Variants in WDR46 observed in about 807,000 individuals in gnomAD.
The protein encoded by WDR46 is WD repeat domain 46, also known as WD repeat-containing protein 46.
WDR46 carries 58 observed loss-of-function variants against 74.7 expected under a neutral mutation model. That is an observed-to-expected ratio of 0.78 (90% CI 0.63 to 0.97). The LOEUF is 0.97. WDR46 is among the 50% of genes least tolerant of loss of function. The probability of loss-of-function intolerance (pLI) is 0.00; values close to 1 mark genes in which losing one functional copy is unlikely to be tolerated. For missense variants in WDR46, 702 were observed against 790.1 expected, an observed-to-expected ratio of 0.89 and a Z score of 1.34; for synonymous variants, 278 against 297.3, an observed-to-expected ratio of 0.93 and a Z score of 0.67.
intron 9 of WDR46, 91 bp downstream of exon 9, chr6:33,286,989 AAAAAGGGAAAT>A: frequency 6.3e-7 from 1 of 1,585,440 alleles, no homozygotes. Flanking sequence ...AGAGATAACA[AAAAAGGGAAAT>A]AAAAGGGTAA....
chr6:33,286,828 C>T lies in WDR46; in HGVS notation c.1082G>A (p.Gly361Glu). 1 of 1,614,128 alleles carries T rather than the reference C, an allele frequency of 6.2e-7. No individual in the cohort carries two copies. The highest frequency in any genetic ancestry group is 2.2e-5 in the East Asian group (1 of 44,876). The stretch of plus-strand genomic sequence containing the variant: ...AGAATCTACTGCCACAGCCCGGACC[C>T]CACCACGATGACAGAGAATCTTTGC... ...PLAKILCHRGGVRAVAVDSTG... is the reference protein window; with the variant it reads ...PLAKILCHRGEVRAVAVDSTG... The change falls in exon 10 of 15, where the codon GGG (glycine) becomes GAG (glutamate). Residue 361 changes from glycine (G) to glutamate (E), a missense_variant. By Grantham distance (98) the Gly-to-Glu change is moderately conservative. Transcript: ENST00000374617.
chr6:33,279,199 C>T lies in WDR46; in HGVS notation c.*77G>A. ...GGAAGGGGCCACACTGCCCCCACCTCCTTGTTCCAGGGAACACTCATTTCC... is the reference window on the plus strand; with the variant it reads ...GGAAGGGGCCACACTGCCCCCACCTTCTTGTTCCAGGGAACACTCATTTCC... On this transcript the variant is annotated 3_prime_UTR_variant, in exon 15 of 15. Coordinates refer to ENST00000374617, the MANE Select transcript of WDR46 (RefSeq NM_005452.6). The T allele has an allele frequency of 6.3e-7, 1 of 1,586,066 alleles. No homozygotes were observed. Among genetic ancestry groups the T allele is most frequent in the East Asian group, 2.2e-5 (1 of 44,500 alleles).
In WDR46 at chr6:33,279,296, G is replaced by A; in HGVS notation, c.1813C>T (p.Leu605=). ...AKPTGARPSA[L]DRFVR The stretch of plus-strand genomic sequence containing the variant: ...CTGGCTCAGCGCACAAATCTGTCCA[G>A]GGCAGATGGCCGGGCCCCCGTGGGC... Residue 605 remains leucine (L), a synonymous_variant, in exon 15 of 15, where the codon CTG becomes TTG. Coordinates refer to ENST00000374617, the MANE Select transcript of WDR46 (RefSeq NM_005452.6). 1.2e-6 allele frequency: 2 copies of A among 1,614,236 alleles called. No homozygotes were observed. Among genetic ancestry groups the A allele is most frequent in the Non-Finnish European group, 1.7e-6 (2 of 1,180,050 alleles).
chr6:33,286,560 C>T (rs1766654487), intron 10 of WDR46, among the ~76,000 whole-genome samples: 1 of 152,170 alleles, frequency 6.6e-6, no homozygotes. Context: ...TGACTCTTTA[C>T]AGAAAAAGTT....
In WDR46 at chr6:33,280,708, C is replaced by A; in HGVS notation, c.1395G>T (p.Gly465=). ...GCATGCTGGTGATGCCCCCAGTGTG[C>A]CCCACCCCCAGCACATCTTCAAAGG... The part of the protein sequence containing the change: ...FCPFEDVLGV[G]HTGGITSMLV... The change falls in exon 11 of 15, where the codon GGG becomes GGT. Residue 465 remains glycine (G), a synonymous_variant. Coordinates refer to ENST00000374617, the MANE Select transcript of WDR46 (RefSeq NM_005452.6). The A allele has an allele frequency of 1.3e-6, 2 of 1,591,244 alleles. No individual in the cohort carries two copies. Among genetic ancestry groups the A allele is most frequent in the South Asian group, 1.1e-5 (1 of 87,770 alleles).
Position 33,279,800 on chromosome 6 carries a change from G to C in WDR46, c.1584C>G (p.Ser528=). The change falls in exon 13 of 15, where the codon TCC becomes TCG. Residue 528 remains serine, a synonymous_variant. Coordinates refer to ENST00000374617, the MANE Select transcript of WDR46 (RefSeq NM_005452.6). ...PRALAEVDVI[S]LEQGKKEQIE... is the part of the protein sequence containing the mutation. The stretch of plus-strand genomic sequence containing the variant: ...TCTGCTCCTTCTTTCCCTGCTCCAG[G>C]GAGATGACATCCACCTCGGCCAGGG... 6.2e-7 allele frequency: 1 copy of C among 1,614,102 alleles called. No individual in the cohort carries two copies. The highest frequency in any genetic ancestry group is 8.5e-7 in the Non-Finnish European group (1 of 1,180,000).
chr6:33,287,925 AAC>A (rs774048086), intron 6 of WDR46, 38 bp downstream of exon 6: 1 of 1,610,772 alleles, frequency 6.2e-7, no homozygotes, highest in East Asian at 2.2e-5. Context: ...TGGTTAAGGA[AAC>A]ACATCTTAGT....
At chr6:33,286,667 A>G in intron 10 of WDR46, 128 bp downstream of exon 10, 2 of 852,426 alleles carry the variant, frequency 2.3e-6, no homozygotes, top group Admixed American at 4.7e-5. Context: ...TGCAAGGCCC[A>G]TCCGTGGTAA....
chr6:33,281,809 C>T (rs1448582931), intron 10 of WDR46, among the ~76,000 whole-genome samples: 2 of 151,606 alleles, frequency 1.3e-5, no homozygotes, highest in Non-Finnish European at 2.9e-5. Context: ...TCATGTACTG[C>T]ATAAGTTGTT....
At position 33,280,474 on chromosome 6, in the gene WDR46, C is replaced by T. The variant is rs183527731; in HGVS notation, c.1478G>A (p.Ser493Asn). Residue 493 changes from serine to asparagine, a missense_variant, in exon 12 of 15, where the codon AGC (serine) becomes AAC (asparagine). Physicochemically the swap from Ser to Asn is conservative, Grantham distance 46. Transcript: ENST00000374617. ...FDGLESNPYR[S>N]RKQRQEWEVK... ...CTCCCACTCCTGGCGCTGCTTCCGGCTTCTGTATGGATTACTCTCCAGGCC... is the reference window on the plus strand; with the variant it reads ...CTCCCACTCCTGGCGCTGCTTCCGGTTTCTGTATGGATTACTCTCCAGGCC... 6 of 1,599,192 alleles carry T rather than the reference C, an allele frequency of 3.8e-6. No homozygotes were observed. Among genetic ancestry groups the T allele is most frequent in the East Asian group, 2.2e-5 (1 of 44,520 alleles).
At position 33,289,236 on chromosome 6, in the gene WDR46, A is replaced by T; in HGVS notation, c.-66T>A. ...CAGCTGCCACACAGTCGGCTTGAAA[A>T]CTCCCGGAAGCCCTCTGTCCTTCAT... On this transcript the variant is annotated 5_prime_UTR_variant, in exon 1 of 15. Transcript: ENST00000374617. 6.4e-7 allele frequency: 1 copy of T among 1,555,704 alleles called. No homozygotes were observed. Among genetic ancestry groups the T allele is most frequent in the Non-Finnish European group, 8.7e-7 (1 of 1,152,618 alleles).
rs761958035 is a variant in WDR46 at position 33,288,439 on chromosome 6, C to T, written c.392G>A (p.Arg131Gln). 14 of 1,614,026 alleles carry T rather than the reference C, an allele frequency of 8.7e-6. No individual in the cohort carries two copies. The Admixed American group carries it at 1.2e-4, about 13-fold the overall frequency. Reference sequence around the variant, plus strand: ...TTCCTCAGCTTCAGCCACCTCAAGTCGGCTTCGAGTTTTGGCTTTAGAATG... The same window carrying T: ...TTCCTCAGCTTCAGCCACCTCAAGTTGGCTTCGAGTTTTGGCTTTAGAATG... ...LPHSKAKTRS[R>Q]LEVAEAEEEE... is the part of the protein sequence containing the mutation. Residue 131 changes from arginine to glutamine, a missense_variant, in exon 4 of 15, where the codon CGA becomes CAA. Transcript: ENST00000374617.
chr6:33,285,260 T>C (rs1766512899), intron 10 of WDR46, among the ~76,000 whole-genome samples: 1 of 152,034 alleles, frequency 6.6e-6, no homozygotes, highest in Non-Finnish European at 1.5e-5. Flanking sequence ...TAGAGTGCAG[T>C]GGCATGATCA....
rs200961844 is a variant in WDR46, at chr6:33,279,357, G to T, written c.1752C>A (p.Ser584Arg). The T allele has an allele frequency of 1.9e-6, 3 of 1,613,962 alleles. No homozygotes were observed. In the South Asian group the frequency reaches 3.3e-5, roughly 18 times the overall value. The change falls in exon 15 of 15, where the codon AGC (serine) becomes AGA (arginine). Residue 584 changes from serine (S) to arginine (R), a missense_variant. Physicochemically the swap from Ser to Arg is moderately radical, Grantham distance 110 (BLOSUM62 -1). Coordinates refer to ENST00000374617, the MANE Select transcript of WDR46 (RefSeq NM_005452.6). ...CCTCCTTATGATGCTGCTGCTGAAG[G>T]CTCTGCCGGACCTTGTCCTGGGGAC... ...DEEHRDKVRQ[S>R]LQQQHHKEAK...
Position 33,289,230 on chromosome 6 carries a change from T to C in WDR46, c.-60A>G, listed in dbSNP as rs562771642. ...TCCTCTCAGCTGCCACACAGTCGGC[T>C]TGAAAACTCCCGGAAGCCCTCTGTC... is the stretch of plus-strand genomic sequence containing the variant. On this transcript the variant is annotated 5_prime_UTR_variant, in exon 1 of 15. Transcript: ENST00000374617. 1.5e-5 allele frequency: 24 copies of C among 1,572,356 alleles called. No homozygotes were observed. The highest frequency in any genetic ancestry group is 1.9e-4 in the Middle Eastern group (1 of 5,302).
rs749414452 is a variant in WDR46, at chr6:33,280,539, A to C, written c.1430-17T>G. On this transcript the variant is annotated splice_polypyrimidine_tract_variant and intron_variant, in intron 11 of 14. Coordinates refer to ENST00000374617, the MANE Select transcript of WDR46 (RefSeq NM_005452.6). ...CACCGGCCCCTGAAGGGAGGGAGGGAGAAGCATGGAGCCATAAGGAAGAAC... is the reference window on the plus strand; with the variant it reads ...CACCGGCCCCTGAAGGGAGGGAGGGCGAAGCATGGAGCCATAAGGAAGAAC... The C allele has an allele frequency of 6.3e-7, 1 of 1,598,442 alleles. No individual in the cohort carries two copies. The highest frequency in any genetic ancestry group is 1.7e-5 in the Admixed American group (1 of 57,876).
chr6:33,280,510 G>T lies in WDR46; in HGVS notation c.1442C>A (p.Pro481His). ...TSMLVPGAGEPNFDGLESNPY... is the reference protein window; with the variant it reads ...TSMLVPGAGEHNFDGLESNPY... ...ATTACTCTCCAGGCCATCGAAGTTG[G>T]GCTCACCGGCCCCTGAAGGGAGGGA... Residue 481 changes from proline (P) to histidine (H), a missense_variant, in exon 12 of 15, where the codon CCC (proline) becomes CAC (histidine). By Grantham distance (77) the Pro-to-His change is moderately conservative (BLOSUM62 -2). Coordinates refer to ENST00000374617, the MANE Select transcript of WDR46 (RefSeq NM_005452.6). 6.2e-7 allele frequency: 1 copy of T among 1,601,496 alleles called. No individual in the cohort carries two copies. The highest frequency in any genetic ancestry group is 2.2e-5 in the East Asian group (1 of 44,480).
Position 33,280,723 on chromosome 6 carries a change from A to G in WDR46, c.1380T>C (p.Asp460=). The G allele has an allele frequency of 6.2e-7, 1 of 1,601,470 alleles. No individual in the cohort carries two copies. The highest frequency in any genetic ancestry group is 8.5e-7 in the Non-Finnish European group (1 of 1,171,714). The change falls in exon 11 of 15, where the codon GAT becomes GAC. Residue 460 remains aspartate, a synonymous_variant. Coordinates refer to ENST00000374617, the MANE Select transcript of WDR46 (RefSeq NM_005452.6). ...CCCCAGTGTGCCCCACCCCCAGCAC[A>G]TCTTCAAAGGGGCAGAACTGAAGGC... ...VHGLQFCPFE[D]VLGVGHTGGI... is the part of the protein sequence containing the mutation.
chr6:33,288,319 A>T (rs462093), intron 4 of WDR46, 39 bp downstream of exon 4: 871,653 of 1,612,982 alleles, frequency 0.54, 239,034 homozygotes, highest in African/African-American at 0.74. Flanking sequence ...GACAGTCCCA[A>T]AAGGCAGGGA....
Sources: gnomAD v4.1 joint callset for allele counts (sites outside exome capture counted in the v4.1 genomes callset) on GRCh38, gnomAD v4.1.1 for gene constraint, MANE v1.5 for transcripts, NCBI Gene and HGNC (gene_info 2026-07-23, HGNC 2026-07-21) for gene names.